Variants in NUDCD1 observed in about 807,000 individuals in gnomAD.
The protein encoded by NUDCD1 is nudC domain-containing protein 1.
A neutral mutation model predicts 67.8 loss-of-function variants in NUDCD1; 60 were observed. That is an observed-to-expected ratio of 0.88 (90% CI 0.72 to 1.10). The LOEUF (loss-of-function observed/expected upper bound fraction) is 1.10. Among genes scored for constraint, NUDCD1 ranks in the 50% least tolerant of loss-of-function variants. The pLI is 0.00. For synonymous variants in NUDCD1, 244 were observed against 230.8 expected, an observed-to-expected ratio of 1.06 and a Z score of -0.52; for missense variants, 643 against 695.0, an observed-to-expected ratio of 0.93 and a Z score of 0.84.
In NUDCD1 at chr8:109,329,842, C is replaced by T. The variant is rs756102330; in HGVS notation, c.118+4051G>A. The stretch of plus-strand genomic sequence containing the variant: ...AACCCTGGAGATAAAGCATTGAAAA[C>T]GATGGACATGGGACCCTTCAATACA... On this transcript the variant is annotated intron_variant, in intron 1 of 9. Transcript: ENST00000239690. 1.2e-5 allele frequency: 19 copies of T among 1,550,514 alleles called. No individual in the cohort carries two copies. In the African/African-American group the frequency reaches 1.9e-4, roughly 16 times the overall value.
intron 8 of NUDCD1, among the ~76,000 whole-genome samples, chr8:109,260,010 T>C (rs1813828804): frequency 6.6e-6 from 1 of 152,130 alleles, no homozygotes; most frequent in African/African-American, 2.4e-5. Context: ...AGTATGAATA[T>C]TTACCAGATT....
chr8:109,256,118 G>A (rs550956491), intron 8 of NUDCD1, among the ~76,000 whole-genome samples: 168 of 152,250 alleles, frequency 1.1e-3, no homozygotes, highest in Admixed American at 2.6e-3. Flanking sequence ...GGCTGGAAGT[G>A]GGAAGACTGC....
Position 109,271,044 on chromosome 8 carries a change from T to C in NUDCD1, c.1260A>G (p.Leu420=). Residue 420 remains leucine (L), a synonymous_variant, in exon 8 of 10, where the codon TTA becomes TTG. Transcript: ENST00000239690. ...CDIFFEESSS[L]CRFDGNTLKT... ...TTAATGTATTGCCATCAAATCTGCA[T>C]AAACTGGAGCTCTCTTCAAAGAAAA... is the stretch of plus-strand genomic sequence containing the variant. The C allele has an allele frequency of 6.3e-7, 1 of 1,597,430 alleles. No individual in the cohort carries two copies. Among genetic ancestry groups the C allele is most frequent in the Non-Finnish European group, 8.6e-7 (1 of 1,167,844 alleles).
intron 2 of NUDCD1, among the ~76,000 whole-genome samples, chr8:109,304,773 A>T (rs1815065701): frequency 6.6e-6 from 1 of 152,136 alleles, no homozygotes; most frequent in Non-Finnish European, 1.5e-5. Flanking sequence ...GCTCAGGGTA[A>T]CGCTTATGCT....
chr8:109,312,741 T>C (rs2130102961), intron 2 of NUDCD1, among the ~76,000 whole-genome samples: 1 of 152,336 alleles, frequency 6.6e-6, no homozygotes, highest in South Asian at 2.1e-4. Flanking sequence ...GCCAGGCCTT[T>C]GTTTTGTTAC....
chr8:109,268,986 T>C (rs1038316343), intron 8 of NUDCD1, among the ~76,000 whole-genome samples: 3 of 152,138 alleles, frequency 2.0e-5, no homozygotes, highest in African/African-American at 7.2e-5. Context: ...TATAATAATC[T>C]GATTAAGAAT....
chr8:109,297,448 T>C (rs1451758058), intron 2 of NUDCD1, among the ~76,000 whole-genome samples: 3 of 152,238 alleles, frequency 2.0e-5, no homozygotes, highest in Non-Finnish European at 4.4e-5. Flanking sequence ...TTAGGGCTTC[T>C]GATCATTAGG....
chr8:109,324,738 G>A (rs1422672461), intron 1 of NUDCD1, among the ~76,000 whole-genome samples: 3 of 152,112 alleles, frequency 2.0e-5, no homozygotes, highest in Admixed American at 6.5e-5. Flanking sequence ...AAAAAAGAAC[G>A]AAATTCTATC....
chr8:109,321,661 T>C (rs1019470217), intron 2 of NUDCD1, among the ~76,000 whole-genome samples: 3 of 152,010 alleles, frequency 2.0e-5, no homozygotes, highest in African/African-American at 7.2e-5. Flanking sequence ...TTAAATTAAG[T>C]ATAAATGTAA....
intron 2 of NUDCD1, chr8:109,313,825 A>G: frequency 9.1e-7 from 1 of 1,094,242 alleles, no homozygotes; most frequent in Non-Finnish European, 1.2e-6. Context: ...GGTTGCTAGA[A>G]GTCTAATTAT....
At chr8:109,250,941 T>A (rs1813608493) in intron 8 of NUDCD1, among the ~76,000 whole-genome samples, 3 of 152,186 alleles carry the variant, frequency 2.0e-5, no homozygotes, top group Admixed American at 2.0e-4. Flanking sequence ...TGTTTTCTCA[T>A]CTTTTAATGT....
At chr8:109,311,427 A>G (rs1383694766) in intron 2 of NUDCD1, among the ~76,000 whole-genome samples, 1 of 151,942 alleles carries the variant, frequency 6.6e-6, no homozygotes, top group Non-Finnish European at 1.5e-5. Flanking sequence ...CTGGGTATCT[A>G]CCCAGAGGAA....
intron 4 of NUDCD1, among the ~76,000 whole-genome samples, chr8:109,290,916 C>A (rs1277739955): frequency 2.0e-5 from 3 of 152,260 alleles, no homozygotes; most frequent in African/African-American, 7.2e-5. Context: ...TTCACACATT[C>A]AGTTCACACA....
chr8:109,290,545 GA>G (rs1349573969), intron 4 of NUDCD1, among the ~76,000 whole-genome samples: 30 of 152,036 alleles, frequency 2.0e-4, no homozygotes, highest in Non-Finnish European at 7.4e-5. Context: ...TTTTAACAAT[GA>G]AATAAATTTA....
intron 2 of NUDCD1, among the ~76,000 whole-genome samples, chr8:109,305,855 C>T (rs974722253): frequency 4.6e-5 from 7 of 152,160 alleles, no homozygotes; most frequent in African/African-American, 1.7e-4. Context: ...GCCCGTCAGC[C>T]AGCCAGCCTG....
In NUDCD1 at chr8:109,324,882, T is replaced by G. The variant is rs547661902; in HGVS notation, c.119-2419A>C. Among the ~76,000 whole-genome samples, 102 of 152,154 alleles carry G rather than the reference T, an allele frequency of 6.7e-4. 1 individual carries two copies. Among genetic ancestry groups the G allele is most frequent in the Middle Eastern group, 3.4e-3 (1 of 292 alleles). ...CGGGCGGATCACGAGGTCAGGAGAT[T>G]GAGACCATCCTGGCCAACATGATGA... On this transcript the variant is annotated intron_variant, in intron 1 of 9. Coordinates refer to ENST00000239690, the MANE Select transcript of NUDCD1 (RefSeq NM_032869.4).
chr8:109,307,177 T>C (rs1028363425), intron 2 of NUDCD1, among the ~76,000 whole-genome samples: 1 of 152,234 alleles, frequency 6.6e-6, no homozygotes, highest in Non-Finnish European at 1.5e-5. Flanking sequence ...GATTTGTTCC[T>C]GCCCTACCCT....
intron 2 of NUDCD1, among the ~76,000 whole-genome samples, chr8:109,306,196 C>A (rs1194324847): frequency 2.0e-5 from 3 of 152,202 alleles, no homozygotes; most frequent in Non-Finnish European, 4.4e-5. Context: ...TCCTCTGGTA[C>A]TAGCCCCAAT....
chr8:109,329,200 T>A (rs1384422063), intron 1 of NUDCD1, among the ~76,000 whole-genome samples: 7 of 150,764 alleles, frequency 4.6e-5, no homozygotes, highest in African/African-American at 1.7e-4. Flanking sequence ...GAAAAAAGTA[T>A]GAAGAAAAAA....
Sources: allele counts gnomAD v4.1 joint callset (sites outside exome capture counted in the v4.1 genomes callset), GRCh38; gene constraint gnomAD v4.1.1; transcripts MANE v1.5; gene names NCBI Gene and HGNC (gene_info 2026-07-23, HGNC 2026-07-21).